SARNP: variants seen among roughly 807,000 people sequenced by gnomAD.
SARNP encodes SAP domain-containing ribonucleoprotein.
A neutral mutation model predicts 38.1 loss-of-function variants in SARNP; 5 were observed. That is an observed-to-expected ratio of 0.13 (90% CI 0.07 to 0.28). The LOEUF is 0.28. Ranked by LOEUF, SARNP falls within the 10% of genes least tolerant of loss-of-function variation. The pLI is 1.00. For missense variants in SARNP, 180 were observed against 243.9 expected (o/e 0.74, Z 1.75); for synonymous variants, 84 against 80.6 (o/e 1.04, Z -0.23).
rs34911609 is a variant in SARNP at position 55,816,649 on chromosome 12, T to G, written c.36+1017A>C. On this transcript the variant is annotated intron_variant, in intron 1 of 10. Coordinates refer to ENST00000336133, the MANE Select transcript of SARNP (RefSeq NM_033082.4). ...AAGGATCACTTTTCAGTTTCAGCTA[T>G]ATCAGCCTGGTTTGTCCAAAACATC... Among the ~76,000 whole-genome samples, 535 of 152,362 alleles carry G rather than the reference T, an allele frequency of 3.5e-3. 1 individual carries two copies. The highest frequency in any genetic ancestry group is 0.012 in the African/African-American group (516 of 41,574).
intron 9 of SARNP, among the ~76,000 whole-genome samples, chr12:55,775,569 T>C (rs1243091152): frequency 7.1e-6 from 1 of 139,890 alleles, no homozygotes; most frequent in East Asian, 2.0e-4. Flanking sequence ...AAAAAAAAAC[T>C]ATGAAAAAAA....
chr12:55,812,996 G>A (rs939882829), intron 1 of SARNP, among the ~76,000 whole-genome samples: 2 of 152,118 alleles, frequency 1.3e-5, no homozygotes, highest in African/African-American at 2.4e-5. Context: ...GCCCAGGCTG[G>A]AGTGCAATGG....
At chr12:55,767,394 A>G (rs1353709436) in intron 9 of SARNP, among the ~76,000 whole-genome samples, 1 of 151,914 alleles carries the variant, frequency 6.6e-6, no homozygotes, top group East Asian at 1.9e-4. Flanking sequence ...AAAAAAAAAA[A>G]AAAATTTAGC....
intron 9 of SARNP, among the ~76,000 whole-genome samples, chr12:55,780,656 G>A (rs1056846051): frequency 6.6e-6 from 1 of 151,832 alleles, no homozygotes. Context: ...GGCAACAAGT[G>A]CAAAACTCTG....
intron 4 of SARNP, among the ~76,000 whole-genome samples, chr12:55,799,195 T>G (rs73119263): frequency 2.6e-5 from 4 of 152,096 alleles, no homozygotes; most frequent in South Asian, 2.1e-4. Context: ...AGTACTTAAT[T>G]CTTAATTGAT....
chr12:55,781,756 T>C (rs1006101737), intron 9 of SARNP, among the ~76,000 whole-genome samples: 1 of 152,164 alleles, frequency 6.6e-6, no homozygotes, highest in Non-Finnish European at 1.5e-5. Flanking sequence ...TCTTGCTCTG[T>C]TTCCCAGGCT....
At chr12:55,787,449 T>G (rs1244415680) in intron 9 of SARNP, among the ~76,000 whole-genome samples, 1 of 152,198 alleles carries the variant, frequency 6.6e-6, no homozygotes, top group Non-Finnish European at 1.5e-5. Flanking sequence ...ATGTTTTTCT[T>G]TTTTTGAGAC....
At chr12:55,759,598 A>G (rs1177954142) in intron 10 of SARNP, among the ~76,000 whole-genome samples, 2 of 152,024 alleles carry the variant, frequency 1.3e-5, no homozygotes, top group Admixed American at 6.6e-5. Context: ...TAAGTAAATA[A>G]ATAAATAAAT....
intron 2 of SARNP, among the ~76,000 whole-genome samples, chr12:55,802,219 C>CCCAAAAATAATTTGGGAA (rs1880000051): frequency 6.6e-6 from 1 of 151,980 alleles, no homozygotes; most frequent in East Asian, 1.9e-4. Flanking sequence ...ATTTGGGAGT[C>CCCAAAAATAATTTGGGAA]CTTAGTCACA....
chr12:55,765,559 GGT>G (rs1878804558), intron 9 of SARNP, among the ~76,000 whole-genome samples: 1 of 151,384 alleles, frequency 6.6e-6, no homozygotes, highest in Admixed American at 6.6e-5. Flanking sequence ...TGCCTAGACT[GGT>G]TTCAAACTCC....
intron 9 of SARNP, among the ~76,000 whole-genome samples, chr12:55,785,804 C>T (rs943726525): frequency 6.6e-6 from 1 of 151,494 alleles, no homozygotes; most frequent in Non-Finnish European, 1.5e-5. Flanking sequence ...GACAGGGTCT[C>T]ACTCTGTCAC....
rs1879204684 is a variant in SARNP at position 55,777,139 on chromosome 12, C to T, written c.501+11936G>A. Among the ~76,000 whole-genome samples the T allele has an allele frequency of 3.9e-5, 6 of 152,090 alleles. No homozygotes were observed. In the South Asian group the frequency reaches 1.2e-3, roughly 32 times the overall value. On this transcript the variant is annotated intron_variant, in intron 9 of 10. Transcript: ENST00000336133. ...TTTTTTCTTACTACAAATTTCTTTA[C>T]CTGAAGTTCTTCAGGTGCAAATTCA... is the stretch of plus-strand genomic sequence containing the variant.
chr12:55,779,290 T>C (rs920561066), intron 9 of SARNP, among the ~76,000 whole-genome samples: 1 of 152,198 alleles, frequency 6.6e-6, no homozygotes, highest in Non-Finnish European at 1.5e-5. Context: ...TCTTGATCAG[T>C]GAGGTATCAA....
intron 7 of SARNP, among the ~76,000 whole-genome samples, chr12:55,791,395 G>A (rs999788213): frequency 1.3e-5 from 2 of 152,222 alleles, no homozygotes; most frequent in Non-Finnish European, 2.9e-5. Flanking sequence ...ACTATCATGA[G>A]TTGAAATTAT....
At chr12:55,753,362 C>G (rs1878388294), downstream of SARNP, 1 of 152,186 alleles carries the variant, frequency 6.6e-6, no homozygotes, top group African/African-American at 2.4e-5. Flanking sequence ...AATAGCATCT[C>G]AAATATTCTT....
At chr12:55,760,365 G>A (rs1473727191) in intron 10 of SARNP, 186 bp downstream of exon 10, 2 of 546,282 alleles carry the variant, frequency 3.7e-6, no homozygotes, top group Non-Finnish European at 3.2e-6. Context: ...TAAGAAGTAG[G>A]TGGGAAAACA....
At chr12:55,763,192 C>A (rs773504617) in intron 9 of SARNP, among the ~76,000 whole-genome samples, 4 of 152,118 alleles carry the variant, frequency 2.6e-5, no homozygotes, top group Non-Finnish European at 5.9e-5. Context: ...CATAAGTATT[C>A]TTGTCCTTAA....
intron 9 of SARNP, among the ~76,000 whole-genome samples, chr12:55,765,834 C>A (rs776998344): frequency 1.3e-5 from 2 of 152,138 alleles, no homozygotes; most frequent in Non-Finnish European, 2.9e-5. Flanking sequence ...CCTCTTTCCT[C>A]CTTTCCCTGC....
At chr12:55,788,754 C>T (rs1315201044) in intron 9 of SARNP, among the ~76,000 whole-genome samples, 1 of 152,034 alleles carries the variant, frequency 6.6e-6, no homozygotes, top group Admixed American at 6.6e-5. Flanking sequence ...GAGCCGTGAT[C>T]GCACCACTGC....
Sources: allele counts gnomAD v4.1 joint callset (sites outside exome capture counted in the v4.1 genomes callset), GRCh38; gene constraint gnomAD v4.1.1; transcripts MANE v1.5; gene names NCBI Gene and HGNC (gene_info 2026-07-23, HGNC 2026-07-21).